The following TCF4 variants were observed in gnomAD, a reference collection of about 807,000 sequenced individuals.
TCF4 encodes SL3-3 enhancer factor 2.
Under a neutral mutation model 82.1 loss-of-function variants are expected in TCF4, and 3 were observed. That is an observed-to-expected ratio of 0.04 (90% CI 0.02 to 0.09). The LOEUF (loss-of-function observed/expected upper bound fraction) is 0.09. Ranked by LOEUF, TCF4 falls within the 10% of genes least tolerant of loss-of-function variation. The pLI is 1.00. For synonymous variants in TCF4, 276 were observed against 309.6 expected (o/e 0.89, Z 1.14); for missense variants, 518 against 852.7 (o/e 0.61, Z 4.89).
chr18:55,532,342 C>T (rs532775252), intron 3 of TCF4, among the ~76,000 whole-genome samples: 4 of 152,184 alleles, frequency 2.6e-5, no homozygotes, highest in Non-Finnish European at 5.9e-5. Context: ...ACCTCAGGTG[C>T]CATCTGCCAA....
In TCF4 at chr18:55,232,651, C is replaced by T; in HGVS notation, c.1507G>A (p.Gly503Arg). The part of the protein sequence containing the change: ...PYRGMPPGLQ[G>R]QSVSSGSSEI... The stretch of plus-strand genomic sequence containing the variant: ...GAGCTGCCAGAGGAGACACTCTGCC[C>T]CTGTAGTCCTGGTGGCATGCCTGCC... Residue 503 changes from glycine (G) to arginine (R), a missense_variant, in exon 17 of 20, where the codon GGG (glycine) becomes AGG (arginine). Gly to Arg is a moderately radical substitution (Grantham distance 125, BLOSUM62 -2). Transcript: ENST00000354452. The T allele has an allele frequency of 6.2e-7, 1 of 1,614,116 alleles. No homozygotes were observed. Among genetic ancestry groups the T allele is most frequent in the Non-Finnish European group, 8.5e-7 (1 of 1,180,004 alleles).
chr18:55,604,926 A>G (rs1482465384), intron 2 of TCF4, among the ~76,000 whole-genome samples: 1 of 152,168 alleles, frequency 6.6e-6, no homozygotes, highest in Non-Finnish European at 1.5e-5. Flanking sequence ...AGCATTGAGG[A>G]CCAATCTTGA....
intron 3 of TCF4, among the ~76,000 whole-genome samples, chr18:55,470,411 A>G (rs2096148817): frequency 6.6e-6 from 1 of 152,240 alleles, no homozygotes. Context: ...GTGACCCTGT[A>G]TAACACTATC....
At chr18:55,240,913 C>T (rs1247887317) in intron 15 of TCF4, among the ~76,000 whole-genome samples, 1 of 152,204 alleles carries the variant, frequency 6.6e-6, no homozygotes, top group Non-Finnish European at 1.5e-5. Context: ...CTTGAGAACA[C>T]CTACATTGTT....
At position 55,302,656 on chromosome 18, in the gene TCF4, T is replaced by C. The variant is rs1038016168; in HGVS notation, c.550-23000A>G. ...CCGCAGATGTCCGCTGTGAGGCCTG[T>C]GGCTGGCCTAGGGGTGGGAGGGCCT... On this transcript the variant is annotated intron_variant, in intron 8 of 19. Coordinates refer to ENST00000354452, the MANE Select transcript of TCF4 (RefSeq NM_001083962.2). 4 of 1,473,254 alleles carry C rather than the reference T, an allele frequency of 2.7e-6. No homozygotes were observed. The Admixed American group carries it at 6.2e-5, about 23-fold the overall frequency. 91.3% of individuals were successfully genotyped at this position (1,473,254 alleles called of 1,614,324 possible). A position where few individuals can be genotyped will look rare whatever the true frequency, so the allele number is the denominator to read the frequency against.
rs188427299 is a variant in TCF4, at chr18:55,281,558, A to G, written c.550-1902T>C. On this transcript the variant is annotated intron_variant, in intron 8 of 19. Transcript: ENST00000354452. ...TAAAACTAAAAAGAATCTCCGACCC[A>G]TATTATTAAATCATCTTATGTTTTA... is the stretch of plus-strand genomic sequence containing the variant. Among the ~76,000 whole-genome samples the G allele has an allele frequency of 5.5e-3, 834 of 152,252 alleles. 4 individuals are homozygous for G. The highest frequency in any genetic ancestry group is 0.02 in the Middle Eastern group (6 of 294).
intron 8 of TCF4, among the ~76,000 whole-genome samples, chr18:55,320,358 C>T (rs980336825): frequency 2.0e-5 from 3 of 152,040 alleles, no homozygotes; most frequent in African/African-American, 7.3e-5. Context: ...AATAGGATAG[C>T]GCTATGAACT....
At chr18:55,330,974 C>T (rs2077472986) in intron 8 of TCF4, among the ~76,000 whole-genome samples, 1 of 152,134 alleles carries the variant, frequency 6.6e-6, no homozygotes, top group African/African-American at 2.4e-5. Flanking sequence ...ACCATATAAC[C>T]TTTGTTCCAA....
chr18:55,511,698 A>G (rs1298435161), intron 3 of TCF4, among the ~76,000 whole-genome samples: 1 of 152,144 alleles, frequency 6.6e-6, no homozygotes, highest in Admixed American at 6.5e-5. Context: ...AAGAAGTTTT[A>G]CCTAAACTAA....
At chr18:55,385,028 T>A (rs535759881) in intron 6 of TCF4, among the ~76,000 whole-genome samples, 11 of 151,978 alleles carry the variant, frequency 7.2e-5, no homozygotes, top group Non-Finnish European at 1.6e-4. Flanking sequence ...TCTTTCTCCC[T>A]CCCCCTTACC....
At chr18:55,266,673 T>C (rs1313945731) in intron 11 of TCF4, 1 of 152,002 alleles carries the variant, frequency 6.6e-6, no homozygotes, top group Non-Finnish European at 1.5e-5. Context: ...AAAAAATCTC[T>C]CATTAATGTA....
chr18:55,259,714 T>C (rs896544604), intron 13 of TCF4: 12 of 516,606 alleles, frequency 2.3e-5, no homozygotes, highest in African/African-American at 5.7e-5. Context: ...ACATTTTCCA[T>C]ATGCCTGTAT....
chr18:55,438,106 CAGG>C (rs1317788863), intron 5 of TCF4, among the ~76,000 whole-genome samples: 1 of 149,500 alleles, frequency 6.7e-6, no homozygotes, highest in African/African-American at 2.5e-5. Flanking sequence ...GAGGCTGAGA[CAGG>C]AGAATTGCTT....
intron 3 of TCF4, among the ~76,000 whole-genome samples, chr18:55,569,212 CAAAA>C (rs139870092): frequency 7.7e-6 from 1 of 129,196 alleles, no homozygotes. Flanking sequence ...ACAGTAAAGA[CAAAA>C]AAAAAAAAAG....
intron 6 of TCF4, among the ~76,000 whole-genome samples, chr18:55,354,464 C>T (rs1433215430): frequency 2.0e-5 from 3 of 152,146 alleles, no homozygotes; most frequent in African/African-American, 4.8e-5. Flanking sequence ...AACCACTGAA[C>T]TTTGCTTATA....
intron 11 of TCF4, chr18:55,267,980 C>T (rs2059569007): frequency 1.3e-5 from 2 of 152,152 alleles, no homozygotes; most frequent in African/African-American, 2.4e-5. Flanking sequence ...CATCCACAAA[C>T]TAATGAAGAT....
At chr18:55,576,671 A>T (rs915590423) in intron 3 of TCF4, among the ~76,000 whole-genome samples, 20 of 151,998 alleles carry the variant, frequency 1.3e-4, no homozygotes, top group African/African-American at 4.6e-4. Flanking sequence ...TTTTCCATGA[A>T]CCCTTCATTA....
chr18:55,420,023 A>G (rs557915329), intron 5 of TCF4, among the ~76,000 whole-genome samples: 14 of 152,202 alleles, frequency 9.2e-5, no homozygotes, highest in Admixed American at 4.6e-4. Context: ...CAGGTTTCCT[A>G]TTACAGAGTT....
chr18:55,556,577 AC>A (rs1175621501), intron 3 of TCF4, among the ~76,000 whole-genome samples: 1 of 152,092 alleles, frequency 6.6e-6, no homozygotes, highest in East Asian at 1.9e-4. Flanking sequence ...CTGGTCTCAA[AC>A]TCCTGGGCTC....
Sources: allele counts gnomAD v4.1 joint callset (sites outside exome capture counted in the v4.1 genomes callset), GRCh38; gene constraint gnomAD v4.1.1; transcripts MANE v1.5; gene names NCBI Gene and HGNC (gene_info 2026-07-23, HGNC 2026-07-21).